The following NDST3 variants were observed in gnomAD, a reference collection of about 807,000 sequenced individuals.
NDST3 encodes the protein bifunctional heparan sulfate N-deacetylase/N-sulfotransferase 3.
A neutral mutation model predicts 96.1 loss-of-function variants in NDST3; 58 were observed. The observed-to-expected ratio is 0.60, with a 90% CI of 0.49 to 0.75. NDST3 has a LOEUF of 0.75. Ranked by LOEUF, NDST3 falls within the 30% of genes least tolerant of loss-of-function variation. The probability of loss-of-function intolerance (pLI) is 0.00; values close to 1 mark genes in which losing one functional copy is unlikely to be tolerated. For synonymous variants in NDST3, 333 were observed against 359.7 expected, an observed-to-expected ratio of 0.93 and a Z score of 0.84; for missense variants, 788 against 1,034.2, an observed-to-expected ratio of 0.76 and a Z score of 3.27.
chr4:118,180,918 C>T lies in NDST3; in HGVS notation c.1539+37234C>T, dbSNP rs931500414. Among the ~76,000 whole-genome samples the T allele has an allele frequency of 3.3e-5, 5 of 152,152 alleles. No homozygotes were observed. In the South Asian group the frequency reaches 1.0e-3, roughly 31 times the overall value. On this transcript the variant is annotated intron_variant, in intron 6 of 13. Coordinates refer to ENST00000296499, the MANE Select transcript of NDST3 (RefSeq NM_004784.3). The stretch of plus-strand genomic sequence containing the variant: ...GAGTTTGTGTCCCCTGCAGTAATAA[C>T]CATTTACTGTAACCACTGTCAGTTA...
chr4:118,093,726 G>C (rs1344620229), intron 2 of NDST3, among the ~76,000 whole-genome samples: 2 of 151,842 alleles, frequency 1.3e-5, no homozygotes, highest in African/African-American at 4.8e-5. Context: ...GTAAAATAAA[G>C]TGACTTTTAA....
chr4:118,094,609 G>A (rs1729142116), intron 2 of NDST3, among the ~76,000 whole-genome samples: 1 of 151,728 alleles, frequency 6.6e-6, no homozygotes, highest in African/African-American at 2.4e-5. Flanking sequence ...CAAATTTTCA[G>A]TCAAATATTA....
At chr4:118,101,368 G>GA (rs67248472) in intron 2 of NDST3, among the ~76,000 whole-genome samples, 107,415 of 141,504 alleles carry the variant, frequency 0.76, 42,368 homozygotes, top group South Asian at 0.92. Context: ...ATGAAGACTT[G>GA]AAAAAAAAAA....
chr4:118,218,332 A>C (rs1206419537), intron 6 of NDST3, among the ~76,000 whole-genome samples: 1 of 152,142 alleles, frequency 6.6e-6, no homozygotes, highest in African/African-American at 2.4e-5. Context: ...CACATCAAAA[A>C]GCTTATCCAC....
chr4:118,198,714 T>C (rs935545147), intron 6 of NDST3, among the ~76,000 whole-genome samples: 8 of 119,936 alleles, frequency 6.7e-5, no homozygotes, highest in Admixed American at 3.6e-4. Context: ...AGTACTCCCT[T>C]TAGCATTTCT....
chr4:118,195,128 T>C (rs1479120236), intron 6 of NDST3, among the ~76,000 whole-genome samples: 1 of 152,234 alleles, frequency 6.6e-6, no homozygotes, highest in South Asian at 2.1e-4. Context: ...ATTCTTCCCA[T>C]CCATGAACAT....
intron 1 of NDST3, among the ~76,000 whole-genome samples, chr4:118,040,062 G>A (rs113599833): frequency 0.051 from 7,762 of 152,302 alleles, 312 homozygotes; most frequent in Non-Finnish European, 0.081. Flanking sequence ...GTTGCTGCAA[G>A]TAAAAGAAGG....
intron 4 of NDST3, among the ~76,000 whole-genome samples, chr4:118,121,426 C>G (rs1236234039): frequency 6.6e-6 from 1 of 152,140 alleles, no homozygotes; most frequent in Non-Finnish European, 1.5e-5. Flanking sequence ...ATAACACTGT[C>G]ATCTACTCCT....
chr4:118,056,768 G>C (rs1252888977), intron 2 of NDST3, among the ~76,000 whole-genome samples: 2 of 151,954 alleles, frequency 1.3e-5, no homozygotes, highest in African/African-American at 4.8e-5. Context: ...TTCTTGATAT[G>C]GCTATATCCC....
intron 2 of NDST3, among the ~76,000 whole-genome samples, chr4:118,087,734 C>G (rs146846156): frequency 6.6e-6 from 1 of 152,176 alleles, no homozygotes; most frequent in East Asian, 1.9e-4. Context: ...TTTTCTCTCT[C>G]TGTTACAAAG....
rs952528959 is a variant in NDST3, at chr4:118,256,938, C to T, written c.*1226C>T. ...CAGAGGCCCATTTTTGAAAATATTT[C>T]ACCCATCACTCTGGTGGAAGTAACA... On this transcript the variant is annotated 3_prime_UTR_variant, in exon 14 of 14. Coordinates refer to ENST00000296499, the MANE Select transcript of NDST3 (RefSeq NM_004784.3). The T allele has an allele frequency of 2.6e-5, 4 of 152,148 alleles. No homozygotes were observed. Among genetic ancestry groups the T allele is most frequent in the African/African-American group, 9.7e-5 (4 of 41,436 alleles). The allele number at this position is 152,148 out of a possible 1,614,324, so 9.4% of individuals were successfully genotyped here. A position where few individuals can be genotyped will look rare whatever the true frequency, so the allele number is the denominator to read the frequency against.
intron 9 of NDST3, among the ~76,000 whole-genome samples, chr4:118,236,666 A>T (rs1740665819): frequency 6.6e-6 from 1 of 152,208 alleles, no homozygotes; most frequent in African/African-American, 2.4e-5. Context: ...TGAACTGAAC[A>T]TATCGTCTGT....
At chr4:118,109,336 C>T (rs1211765633) in intron 3 of NDST3, among the ~76,000 whole-genome samples, 2 of 152,136 alleles carry the variant, frequency 1.3e-5, no homozygotes, top group Admixed American at 6.5e-5. Flanking sequence ...TAGGAAGAGA[C>T]ATCACAGCAA....
At chr4:118,057,935 C>T (rs1725562632) in intron 2 of NDST3, among the ~76,000 whole-genome samples, 1 of 151,914 alleles carries the variant, frequency 6.6e-6, no homozygotes, top group Non-Finnish European at 1.5e-5. Flanking sequence ...GTTGCTAAAA[C>T]GTAGAGTCCA....
intron 4 of NDST3, among the ~76,000 whole-genome samples, chr4:118,130,227 G>A (rs986451181): frequency 3.3e-5 from 5 of 151,904 alleles, no homozygotes; most frequent in African/African-American, 9.7e-5. Context: ...CTGCCACTTT[G>A]TTATTTGTTT....
chr4:118,158,092 A>C (rs922695304), intron 6 of NDST3, among the ~76,000 whole-genome samples: 2 of 152,182 alleles, frequency 1.3e-5, no homozygotes, highest in African/African-American at 4.8e-5. Context: ...AAAGAAGGAT[A>C]ATAAGAGAGA....
In NDST3 at chr4:118,144,335, CACACG is replaced by C. The variant is rs915547114; in HGVS notation, c.1539+652_1539+656del. On this transcript the variant is annotated intron_variant, in intron 6 of 13. Transcript: ENST00000296499. ...AGCTGGGACCACAGGCACCTGCCAC[CACACG>C]GGGCTAATTTTTTGTATTTTTAGTG... is the stretch of plus-strand genomic sequence containing the variant. Among the ~76,000 whole-genome samples, 54 of 152,108 alleles carry C rather than the reference CACACG, an allele frequency of 3.6e-4. 2 individuals carry two copies. The highest frequency in any genetic ancestry group is 2.8e-4 in the Non-Finnish European group (19 of 68,022).
chr4:118,193,262 C>T (rs79073302), intron 6 of NDST3: 20,875 of 341,722 alleles, frequency 0.061, 831 homozygotes, highest in South Asian at 0.1. Context: ...CTCCTTTCCC[C>T]CTTCCCCCTA....
intron 6 of NDST3, among the ~76,000 whole-genome samples, chr4:118,221,954 G>A (rs1177060367): frequency 1.3e-5 from 2 of 148,488 alleles, no homozygotes; most frequent in African/African-American, 2.5e-5. Context: ...GAATCTACAA[G>A]TATAATAAAA....
Sources: allele counts gnomAD v4.1 joint callset (sites outside exome capture counted in the v4.1 genomes callset), GRCh38; gene constraint gnomAD v4.1.1; transcripts MANE v1.5; gene names NCBI Gene and HGNC (gene_info 2026-07-23, HGNC 2026-07-21).